MTA3: variants seen among roughly 807,000 people sequenced by gnomAD.
MTA3 encodes metastasis-associated protein MTA3.
A neutral mutation model predicts 83.5 loss-of-function variants in MTA3; 34 were observed. That is an observed-to-expected ratio of 0.41 (90% CI 0.31 to 0.54). MTA3 has a LOEUF of 0.54. MTA3 is among the 20% of genes least tolerant of loss of function. The pLI is 0.33. For synonymous variants in MTA3, 303 were observed against 252.7 expected (o/e 1.20, Z -1.89); for missense variants, 761 against 726.4 (o/e 1.05, Z -0.55).
intron 6 of MTA3, among the ~76,000 whole-genome samples, chr2:42,652,754 AAATG>A (rs1360986912): frequency 6.6e-6 from 1 of 152,206 alleles, no homozygotes; most frequent in Non-Finnish European, 1.5e-5. Flanking sequence ...TTTATTGTCA[AAATG>A]AATGTGACTT....
intron 2 of MTA3, among the ~76,000 whole-genome samples, chr2:42,543,841 T>C (rs897667085): frequency 6.6e-6 from 1 of 151,738 alleles, no homozygotes; most frequent in Non-Finnish European, 1.5e-5. Context: ...TTAAAAAATA[T>C]ATATATATAT....
Position 42,505,614 on chromosome 2 carries a change from G to A in MTA3, c.-141+10360G>A, listed in dbSNP as rs72986096. On this transcript the variant is annotated intron_variant, in intron 2 of 17. Transcript: ENST00000405592. ...AAGCAATCAGATGAATCTAGAATGC[G>A]GATCATTATACAAGATAGTCTTCCA... Among the ~76,000 whole-genome samples, 491 of 151,738 alleles carry A rather than the reference G, an allele frequency of 3.2e-3. 5 individuals are homozygous for A. The highest frequency in any genetic ancestry group is 0.011 in the African/African-American group (457 of 41,370).
intron 2 of MTA3, among the ~76,000 whole-genome samples, chr2:42,532,069 T>C (rs936464745): frequency 2.0e-5 from 3 of 152,244 alleles, no homozygotes; most frequent in Non-Finnish European, 2.9e-5. Context: ...ATCCAGCTTT[T>C]TAATGCTACA....
intron 14 of MTA3, among the ~76,000 whole-genome samples, chr2:42,718,296 G>A (rs1194018499): frequency 6.6e-6 from 1 of 151,902 alleles, no homozygotes; most frequent in Non-Finnish European, 1.5e-5. Context: ...TGCCCAGGCT[G>A]GAGTGCAATG....
At chr2:42,746,035 A>G (rs1478146343) in intron 16 of MTA3, among the ~76,000 whole-genome samples, 1 of 151,024 alleles carries the variant, frequency 6.6e-6, no homozygotes, top group African/African-American at 2.4e-5. Context: ...GATGGTCTCG[A>G]TCTCCTGACA....
At chr2:42,634,141 C>T (rs1285532472) in intron 4 of MTA3, among the ~76,000 whole-genome samples, 1 of 152,032 alleles carries the variant, frequency 6.6e-6, no homozygotes, top group Non-Finnish European at 1.5e-5. Context: ...AGACAGCCTC[C>T]ACAACAAAAA....
chr2:42,731,826 A>G (rs1198730653), intron 16 of MTA3, among the ~76,000 whole-genome samples: 3 of 152,184 alleles, frequency 2.0e-5, no homozygotes, highest in African/African-American at 7.2e-5. Context: ...CCTTCTCCCT[A>G]TGAGTCTGTA....
chr2:42,501,611 G>C (rs1359643472), intron 2 of MTA3, among the ~76,000 whole-genome samples: 2 of 152,136 alleles, frequency 1.3e-5, no homozygotes, highest in Non-Finnish European at 2.9e-5. Flanking sequence ...CTGGCATCAG[G>C]ATTGCAGCGA....
At chr2:42,640,137 CT>C (rs1558532245) in intron 4 of MTA3, 35 bp from the exon 5 acceptor site, 2 of 1,514,932 alleles carry the variant, frequency 1.3e-6, no homozygotes, top group Non-Finnish European at 9.0e-7. Flanking sequence ...GTGAGGTGGC[CT>C]TTGTTACATT....
intron 2 of MTA3, among the ~76,000 whole-genome samples, chr2:42,504,245 T>A (rs1421667933): frequency 8.6e-5 from 13 of 151,648 alleles, no homozygotes; most frequent in Admixed American, 8.5e-4. Context: ...CCACATTATT[T>A]TTTTTTGAGT....
At chr2:42,683,855 G>A (rs1168076855) in intron 9 of MTA3, among the ~76,000 whole-genome samples, 1 of 152,136 alleles carries the variant, frequency 6.6e-6, no homozygotes, top group Non-Finnish European at 1.5e-5. Flanking sequence ...CTGCTGTGCA[G>A]CCCAGTTCCT....
At chr2:42,747,640 T>C (rs959057264) in intron 16 of MTA3, among the ~76,000 whole-genome samples, 7 of 151,514 alleles carry the variant, frequency 4.6e-5, no homozygotes, top group African/African-American at 1.7e-4. Context: ...TGTTACACTG[T>C]TGGGGCACTT....
intron 8 of MTA3, among the ~76,000 whole-genome samples, chr2:42,675,959 G>A (rs1691315369): frequency 6.6e-6 from 1 of 152,196 alleles, no homozygotes; most frequent in South Asian, 2.1e-4. Context: ...AAGTTGGTCA[G>A]TTTCAAAGGA....
intron 14 of MTA3, 130 bp from the exon 15 acceptor site, chr2:42,718,858 A>C: frequency 1.5e-6 from 1 of 670,586 alleles, no homozygotes; most frequent in South Asian, 2.2e-5. Context: ...CAAACCCAAA[A>C]GGAAATTATG....
At chr2:42,626,216 T>G (rs1371958018) in intron 4 of MTA3, among the ~76,000 whole-genome samples, 1 of 150,576 alleles carries the variant, frequency 6.6e-6, no homozygotes, top group East Asian at 2.0e-4. Context: ...GTGCTGGGAT[T>G]ACAGGCGTGA....
intron 4 of MTA3, among the ~76,000 whole-genome samples, chr2:42,638,441 TTCAGTGGTGCAAATACAGC>T (rs1183040487): frequency 6.6e-6 from 1 of 151,728 alleles, no homozygotes; most frequent in Non-Finnish European, 1.5e-5. Context: ...CAGGCTGGAG[TTCAGTGGTGCAAATACAGC>T]TCAGTGCACC....
chr2:42,560,814 G>A (rs1677641710), intron 2 of MTA3, among the ~76,000 whole-genome samples: 1 of 152,034 alleles, frequency 6.6e-6, no homozygotes, highest in Admixed American at 6.6e-5. Context: ...GGCTGAGGGA[G>A]GAGAATCATC....
intron 3 of MTA3, among the ~76,000 whole-genome samples, chr2:42,589,507 A>C (rs1039821759): frequency 6.6e-6 from 1 of 152,038 alleles, no homozygotes; most frequent in Non-Finnish European, 1.5e-5. Context: ...CTTTTTTCCA[A>C]TTTTAATAAA....
At chr2:42,549,253 A>G (rs1676960331) in intron 2 of MTA3, among the ~76,000 whole-genome samples, 1 of 123,222 alleles carries the variant, frequency 8.1e-6, no homozygotes, top group Non-Finnish European at 1.6e-5. Context: ...ATAATATATT[A>G]TATATTATAT....
Sources: gnomAD v4.1 joint callset for allele counts (sites outside exome capture counted in the v4.1 genomes callset) on GRCh38, gnomAD v4.1.1 for gene constraint, MANE v1.5 for transcripts, NCBI Gene and HGNC (gene_info 2026-07-23, HGNC 2026-07-21) for gene names.